The following SH2B1 variants were observed in gnomAD, a reference collection of about 807,000 sequenced individuals.
The protein encoded by SH2B1 is SH2B adaptor protein 1.
In SH2B1, 15 loss-of-function variants were observed where a neutral mutation model predicts 62.6. The ratio of observed to expected loss-of-function variants is 0.24; its 90% CI spans 0.16 to 0.37. SH2B1 has a LOEUF of 0.37. Ranked by LOEUF, SH2B1 falls within the 10% of genes least tolerant of loss-of-function variation. The pLI is 1.00. For synonymous variants in SH2B1, 443 were observed against 438.0 expected, an observed-to-expected ratio of 1.01 and a Z score of -0.14; for missense variants, 925 against 1,015.6, an observed-to-expected ratio of 0.91 and a Z score of 1.21.
At chr16:28,870,317 G>T (rs1332418744) in intron 4 of SH2B1, among the ~76,000 whole-genome samples, 2 of 152,174 alleles carry the variant, frequency 1.3e-5, no homozygotes, top group Admixed American at 1.3e-4. Flanking sequence ...AAAGCTTAGT[G>T]TCCCCTGAGC....
At chr16:28,857,982 G>A (rs1056299567) in intron 1 of SH2B1, among the ~76,000 whole-genome samples, 28 of 151,766 alleles carry the variant, frequency 1.8e-4, no homozygotes, top group Admixed American at 6.6e-4. Flanking sequence ...CTCGTGATCC[G>A]CCCACCTCAG....
In SH2B1 at chr16:28,865,595, C is replaced by T. The variant is rs1381140499; in HGVS notation, c.-500C>T. Reference sequence around the variant, plus strand: ...CTGAGCTTCGGTTTCCTCATCTGTTCGAGAGGTCTTTGAAACCTCTCAGGG... The same window carrying T: ...CTGAGCTTCGGTTTCCTCATCTGTTTGAGAGGTCTTTGAAACCTCTCAGGG... On this transcript the variant is annotated 5_prime_UTR_variant, in exon 1 of 8. Transcript: ENST00000684370. The T allele has an allele frequency of 1.9e-5, 19 of 986,074 alleles. No individual in the cohort carries two copies. The highest frequency in any genetic ancestry group is 2.0e-5 in the Non-Finnish European group (17 of 830,532). The allele number at this position is 986,074 out of a possible 1,614,324, so 61.1% of individuals were successfully genotyped here.
At chr16:28,848,271 C>G (rs773694752) in intron 1 of SH2B1, among the ~76,000 whole-genome samples, 92 of 152,000 alleles carry the variant, frequency 6.1e-4, no homozygotes, top group African/African-American at 2.1e-3. Flanking sequence ...AACTCTGTCT[C>G]TACTAAAATA....
Position 28,863,860 on chromosome 16 carries a change from C to G in SH2B1, c.-2235C>G. The stretch of plus-strand genomic sequence containing the variant: ...CCTGCGCGGAACCGGGCTGGGCGCT[C>G]GTCGCGTAGTGGGTGGGGGCGCAGG... On this transcript the variant is annotated 5_prime_UTR_variant, in exon 1 of 8. Transcript: ENST00000684370. 1 of 1,525,102 alleles carries G rather than the reference C, an allele frequency of 6.6e-7. No homozygotes were observed. The highest frequency in any genetic ancestry group is 8.8e-7 in the Non-Finnish European group (1 of 1,141,592). The allele number at this position is 1,525,102 out of a possible 1,614,324, so 94.5% of individuals were successfully genotyped here. A position where few individuals can be genotyped will look rare whatever the true frequency, so the allele number is the denominator to read the frequency against.
In SH2B1 at chr16:28,873,477, C is replaced by T; in HGVS notation, c.1928C>T (p.Pro643Leu). ...ACCACCTCCCATGACCCACCCCAGC[C>T]CCCTGAACCCCCTTCATGGACAGAT... is the stretch of plus-strand genomic sequence containing the variant. ...EPTTSHDPPQPPEPPSWTDPP... is the reference protein window; with the variant it reads ...EPTTSHDPPQLPEPPSWTDPP... Residue 643 changes from proline (P) to leucine (L), a missense_variant, in exon 8 of 8, where the codon CCC becomes CTC. Physicochemically the swap from Pro to Leu is moderately conservative, Grantham distance 98. Transcript: ENST00000684370. This position sits in a 1 kb window ranked among gnomAD's most constrained non-coding sequence, Gnocchi z 4.2. 6.4e-7 allele frequency: 1 copy of T among 1,571,000 alleles called. No individual in the cohort carries two copies.
chr16:28,856,784 C>T (rs1446810301), intron 1 of SH2B1, among the ~76,000 whole-genome samples: 1 of 152,192 alleles, frequency 6.6e-6, no homozygotes, highest in Admixed American at 6.5e-5. Flanking sequence ...AACCCCATTA[C>T]ATCGCCATAG....
upstream of SH2B1, among the ~76,000 whole-genome samples, chr16:28,860,408 C>A (rs950983089): frequency 1.3e-5 from 2 of 151,998 alleles, no homozygotes; most frequent in South Asian, 4.1e-4. Flanking sequence ...CGTGCCACCA[C>A]GCCTGGCTAA....
In SH2B1 at chr16:28,856,698, T is replaced by C. The variant is rs1315012353; in HGVS notation, c.-300-4920T>C. Among the ~76,000 whole-genome samples, 8 of 110,882 alleles carry C rather than the reference T, an allele frequency of 7.2e-5. No individual in the cohort carries two copies. The Admixed American group carries it at 7.6e-4, about 11-fold the overall frequency. 72.7% of individuals were successfully genotyped at this position (110,882 alleles called of 152,430 possible). A position where few individuals can be genotyped will look rare whatever the true frequency, so the allele number is the denominator to read the frequency against. ...CCTCAGAGGAAGCTCAAGGGCATCC[T>C]TCACTCTTCACTCTTCCCACCAGCC... On this transcript the variant is annotated intron_variant, in intron 1 of 10. Coordinates refer to the SH2B1 transcript ENST00000322610.
In SH2B1 at chr16:28,872,612, G is replaced by A. The variant is rs769320203; in HGVS notation, c.1804G>A (p.Glu602Lys). Residue 602 changes from glutamate (E) to lysine (K), a missense_variant, in exon 7 of 8, where the codon GAG becomes AAG. Around this residue, in one of 3 missense-constraint regions of SH2B1, gnomAD observed 57 missense variants for 122.1 expected, o/e 0.47. Transcript: ENST00000684370. This position sits in a 1 kb window ranked among gnomAD's most constrained non-coding sequence, Gnocchi z 5.3. ...GTTCCAGTCCATTTTCGATATGCTCGAGCACTTCCGGGTGCACCCCATCCC... is the reference window on the plus strand; with the variant it reads ...GTTCCAGTCCATTTTCGATATGCTCAAGCACTTCCGGGTGCACCCCATCCC... ...LWFQSIFDML[E>K]HFRVHPIPLE... 5.0e-6 allele frequency: 8 copies of A among 1,614,172 alleles called. No homozygotes were observed. The highest frequency in any genetic ancestry group is 3.3e-5 in the South Asian group (3 of 91,082).
intron 1 of SH2B1, 143 bp downstream of exon 1, chr16:28,867,176 CTG>C: frequency 1.5e-6 from 2 of 1,318,508 alleles, no homozygotes; most frequent in Non-Finnish European, 1.1e-6. Context: ...GCTCTTGGCT[CTG>C]TGTTAGCAGC....
chr16:28,852,216 A>ATT (rs1297884579), intron 1 of SH2B1, among the ~76,000 whole-genome samples: 5 of 71,330 alleles, frequency 7.0e-5, no homozygotes, highest in African/African-American at 2.3e-4. Flanking sequence ...ACATATATAT[A>ATT]TTTACATATA....
At position 28,865,278 on chromosome 16, in the gene SH2B1, A is replaced by T. The variant is rs1567465841; in HGVS notation, c.-817A>T. ...GATACCAAAGAAGTGGGCTGTAGCT[A>T]TTTCACATCTCCTTCACGCAGTGCG... On this transcript the variant is annotated 5_prime_UTR_variant, in exon 1 of 8. Coordinates refer to ENST00000684370, the MANE Select transcript of SH2B1 (RefSeq NM_001387430.1). The T allele has an allele frequency of 1.0e-6, 1 of 985,534 alleles. No homozygotes were observed. The highest frequency in any genetic ancestry group is 1.2e-6 in the Non-Finnish European group (1 of 829,988). The allele number at this position is 985,534 out of a possible 1,614,324, so 61.0% of individuals were successfully genotyped here.
chr16:28,873,944 T>A lies in SH2B1; in HGVS notation c.*124T>A. 2 of 963,960 alleles carry A rather than the reference T, an allele frequency of 2.1e-6. No homozygotes were observed. Among genetic ancestry groups the A allele is most frequent in the Non-Finnish European group, 2.8e-6 (2 of 720,720 alleles). The allele number at this position is 963,960 out of a possible 1,614,324, so 59.7% of individuals were successfully genotyped here. A position where few individuals can be genotyped will look rare whatever the true frequency, so the allele number is the denominator to read the frequency against. On this transcript the variant is annotated 3_prime_UTR_variant, in exon 8 of 8. Transcript: ENST00000684370. The surrounding 1 kb of genome is among the most constrained non-coding windows in gnomAD (Gnocchi z 4.2). ...TCCTGACCCTTGTTGGCCAAGGGCA[T>A]CTTTGATGGTACAAGCAGAGGCTCG... is the stretch of plus-strand genomic sequence containing the variant.
rs1417101627 is a variant in SH2B1 at position 28,873,248 on chromosome 16, C to T, written c.1898-199C>T. ...CCCGATGCCTCCTGCACCCTCATGC[C>T]CTTCGGAGCGAGTGACTGTGTGTAA... On this transcript the variant is annotated intron_variant, in intron 7 of 7. Transcript: ENST00000684370. The surrounding 1 kb of genome is among the most constrained non-coding windows in gnomAD (Gnocchi z 4.2). 6.2e-7 allele frequency: 1 copy of T among 1,607,872 alleles called. No homozygotes were observed. Among genetic ancestry groups the T allele is most frequent in the Non-Finnish European group, 8.5e-7 (1 of 1,178,620 alleles).
In SH2B1 at chr16:28,872,146, G is replaced by A. The variant is rs1212700945; in HGVS notation, c.1514-44G>A. The stretch of plus-strand genomic sequence containing the variant: ...GCTTTTTTCTCCCAGGATGGGGGAG[G>A]CTGCCCTGACACCCCGGTTTCCCTC... On this transcript the variant is annotated intron_variant, in intron 5 of 7. Coordinates refer to ENST00000684370, the MANE Select transcript of SH2B1 (RefSeq NM_001387430.1). The surrounding 1 kb of genome is among the most constrained non-coding windows in gnomAD (Gnocchi z 5.3). 1.3e-6 allele frequency: 2 copies of A among 1,575,000 alleles called. No homozygotes were observed. The highest frequency in any genetic ancestry group is 1.7e-6 in the Non-Finnish European group (2 of 1,150,172).
chr16:28,853,031 T>TAA (rs1962226421), intron 1 of SH2B1, among the ~76,000 whole-genome samples: 1 of 100,292 alleles, frequency 1.0e-5, no homozygotes, highest in East Asian at 3.4e-4. Context: ...TGTACATATA[T>TAA]ATGTACATAT....
intron 1 of SH2B1, among the ~76,000 whole-genome samples, chr16:28,856,004 T>C (rs1212741012): frequency 1.4e-5 from 2 of 146,438 alleles, no homozygotes; most frequent in Admixed American, 6.8e-5. Flanking sequence ...CGGCCAGGCG[T>C]GGTGGCTCAC....
chr16:28,873,273 A>G lies in SH2B1; in HGVS notation c.1898-174A>G. ...CCTTCGGAGCGAGTGACTGTGTGTA[A>G]GTGTGGTCCTCCTCTCACCACCGCC... On this transcript the variant is annotated intron_variant, in intron 7 of 7. Coordinates refer to ENST00000684370, the MANE Select transcript of SH2B1 (RefSeq NM_001387430.1). The surrounding 1 kb of genome is among the most constrained non-coding windows in gnomAD (Gnocchi z 4.2). 6.2e-7 allele frequency: 1 copy of G among 1,606,160 alleles called. No individual in the cohort carries two copies. Among genetic ancestry groups the G allele is most frequent in the Non-Finnish European group, 8.5e-7 (1 of 1,177,510 alleles).
chr16:28,851,859 G>T (rs1386686110), intron 1 of SH2B1, among the ~76,000 whole-genome samples: 3 of 148,832 alleles, frequency 2.0e-5, no homozygotes, highest in African/African-American at 7.4e-5. Flanking sequence ...ACGAGGTCAG[G>T]AGTTCGAGAC....
Sources: allele counts gnomAD v4.1 joint callset (sites outside exome capture counted in the v4.1 genomes callset), GRCh38; gene constraint gnomAD v4.1.1; regional missense constraint gnomAD v4.1.1; non-coding constraint Gnocchi (gnomAD v3.1); transcripts MANE v1.5; gene names NCBI Gene and HGNC (gene_info 2026-07-23, HGNC 2026-07-21).